ACTR3C: variants seen among roughly 807,000 people sequenced by gnomAD.
ACTR3C encodes the protein actin related protein 3C.
Under a neutral mutation model 26.3 loss-of-function variants are expected in ACTR3C, and 18 were observed. That is an observed-to-expected ratio of 0.68 (90% CI 0.47 to 1.01). The LOEUF (loss-of-function observed/expected upper bound fraction) is 1.01, where lower values mean the gene tolerates loss of function less well. Among genes scored for constraint, ACTR3C ranks in the 50% least tolerant of loss-of-function variants. The pLI is 0.00. For synonymous variants in ACTR3C, 55 were observed against 94.5 expected (o/e 0.58, Z 2.42); for missense variants, 184 against 250.7 (o/e 0.73, Z 1.80).
chr7:150,298,427 T>G (rs1226510204), intron 1 of ACTR3C, among the ~76,000 whole-genome samples: 2 of 150,196 alleles, frequency 1.3e-5, no homozygotes, highest in African/African-American at 5.0e-5. Flanking sequence ...GCCATACCAG[T>G]CCGATTAAGA....
the ACTR3C span, among the ~76,000 whole-genome samples, chr7:150,189,100 A>G: frequency 6.6e-6 from 1 of 151,238 alleles, no homozygotes; most frequent in Non-Finnish European, 1.5e-5. Flanking sequence ...TTACAATGAA[A>G]AGCTCAGTTC....
At chr7:150,046,273 A>G in the ACTR3C span, among the ~76,000 whole-genome samples, 1 of 144,588 alleles carries the variant, frequency 6.9e-6, no homozygotes, top group African/African-American at 2.5e-5. Context: ...ACCAATAACA[A>G]CAGCAAAACC....
At chr7:150,287,542 T>TTGC (rs1321461975) in intron 4 of ACTR3C, among the ~76,000 whole-genome samples, 2 of 152,194 alleles carry the variant, frequency 1.3e-5, no homozygotes, top group Admixed American at 6.5e-5. Flanking sequence ...CCCCAGATAC[T>TTGC]TGCTGCCTAC....
At chr7:150,230,387 G>A in the ACTR3C span, among the ~76,000 whole-genome samples, 9,066 of 152,074 alleles carry the variant, frequency 0.06, 495 homozygotes, top group African/African-American at 0.14. Flanking sequence ...TCTATTTCAC[G>A]GAATTGGTGC....
chr7:150,107,190 T>C, the ACTR3C span, among the ~76,000 whole-genome samples: 61 of 147,112 alleles, frequency 4.1e-4, 4 homozygotes, highest in African/African-American at 1.4e-3. Context: ...GGTTGATACA[T>C]CACGAAGAAT....
At chr7:150,070,699 C>G in the ACTR3C span, among the ~76,000 whole-genome samples, 5 of 152,316 alleles carry the variant, frequency 3.3e-5, no homozygotes, top group South Asian at 6.2e-4. Context: ...GATCTGCCCC[C>G]CTCAGCCTCC....
At chr7:150,222,782 A>G in the ACTR3C span, among the ~76,000 whole-genome samples, 2 of 152,230 alleles carry the variant, frequency 1.3e-5, no homozygotes, top group African/African-American at 4.8e-5. Flanking sequence ...TTGATGTCTA[A>G]TTGATTTTAT....
intron 6 of ACTR3C, among the ~76,000 whole-genome samples, chr7:150,250,503 G>T (rs916410425): frequency 1.3e-5 from 2 of 151,774 alleles, no homozygotes; most frequent in Non-Finnish European, 2.9e-5. Context: ...GCGCCCGGCC[G>T]ACTTGAATTT....
At chr7:149,978,798 C>T in the ACTR3C span, among the ~76,000 whole-genome samples, 23 of 152,198 alleles carry the variant, frequency 1.5e-4, 1 homozygote, top group South Asian at 2.3e-3. Flanking sequence ...TACCAGCAGG[C>T]GTCTCTTGTT....
the ACTR3C span, among the ~76,000 whole-genome samples, chr7:150,145,044 C>T: frequency 5.7e-5 from 7 of 123,850 alleles, no homozygotes; most frequent in South Asian, 1.4e-3. Context: ...TGCGAGACTC[C>T]ATCTCAAAAA....
chr7:150,320,309 G>T (rs1797370664), intron 1 of ACTR3C, among the ~76,000 whole-genome samples: 1 of 152,230 alleles, frequency 6.6e-6, no homozygotes, highest in African/African-American at 2.4e-5. Flanking sequence ...ATGCTTGTTT[G>T]TGTAGGATAT....
At chr7:150,302,985 G>C in intron 1 of ACTR3C, 1 of 152,180 alleles carries the variant, frequency 6.6e-6, no homozygotes, top group Non-Finnish European at 1.5e-5. Flanking sequence ...TCTCTCCCTT[G>C]CTACTGTCTT....
At chr7:150,205,737 C>T in the ACTR3C span, among the ~76,000 whole-genome samples, 6 of 152,214 alleles carry the variant, frequency 3.9e-5, no homozygotes, top group East Asian at 1.9e-4. Flanking sequence ...TCAGTTCTGG[C>T]GAGCTCTAAC....
the ACTR3C span, among the ~76,000 whole-genome samples, chr7:149,928,397 T>TTTA: frequency 6.7e-6 from 1 of 148,666 alleles, no homozygotes; most frequent in South Asian, 2.1e-4. Context: ...TTTTTTTTTT[T>TTTA]TTTTAGTAGA....
the ACTR3C span, among the ~76,000 whole-genome samples, chr7:149,885,483 C>T: frequency 3.3e-4 from 50 of 152,342 alleles, no homozygotes; most frequent in Non-Finnish European, 6.6e-4. Flanking sequence ...GGCACTGCCC[C>T]GAGCCCAGTG....
At chr7:150,048,154 C>G in the ACTR3C span, among the ~76,000 whole-genome samples, 1 of 152,108 alleles carries the variant, frequency 6.6e-6, no homozygotes, top group African/African-American at 2.4e-5. Context: ...CTTGCCACAG[C>G]CACGTACGGC....
chr7:149,894,580 C>G, the ACTR3C span, among the ~76,000 whole-genome samples: 1 of 151,678 alleles, frequency 6.6e-6, no homozygotes, highest in East Asian at 1.9e-4. Flanking sequence ...AGCAAGAGAC[C>G]TGAATGGACA....
chr7:150,066,656 G>A, the ACTR3C span, among the ~76,000 whole-genome samples: 3 of 152,120 alleles, frequency 2.0e-5, no homozygotes, highest in Non-Finnish European at 2.9e-5. Flanking sequence ...CATTCACATC[G>A]TTCACAGTAA....
chr7:150,047,009 A>C, the ACTR3C span, among the ~76,000 whole-genome samples: 1 of 151,966 alleles, frequency 6.6e-6, no homozygotes, highest in African/African-American at 2.4e-5. Flanking sequence ...TGGGGCTCAG[A>C]TGCCAGTATT....
Sources: gnomAD v4.1 joint callset for allele counts (sites outside exome capture counted in the v4.1 genomes callset) on GRCh38, gnomAD v4.1.1 for gene constraint, MANE v1.5 for transcripts, NCBI Gene and HGNC (gene_info 2026-07-23, HGNC 2026-07-21) for gene names.